The following CCDC63 variants were observed in gnomAD, a reference collection of about 807,000 sequenced individuals.
CCDC63 encodes the protein coiled-coil domain containing 63, also known as coiled-coil domain-containing protein 63.
Under a neutral mutation model 63.6 loss-of-function variants are expected in CCDC63, and 54 were observed. The observed-to-expected ratio is 0.85, with a 90% CI of 0.68 to 1.07. The LOEUF (loss-of-function observed/expected upper bound fraction) is 1.07. Among genes scored for constraint, CCDC63 ranks in the 50% least tolerant of loss-of-function variants. The pLI is 0.00. For missense variants in CCDC63, 637 were observed against 689.6 expected (o/e 0.92, Z 0.86); for synonymous variants, 253 against 266.1 (o/e 0.95, Z 0.48).
intron 8 of CCDC63, among the ~76,000 whole-genome samples, chr12:110,888,923 G>A (rs749915867): frequency 2.7e-5 from 4 of 150,232 alleles, no homozygotes; most frequent in Non-Finnish European, 4.4e-5. Context: ...CCAGGCTGGA[G>A]TACAGTGGCT....
intron 11 of CCDC63, among the ~76,000 whole-genome samples, chr12:110,905,853 T>C (rs533058958): frequency 8.8e-6 from 1 of 113,046 alleles, no homozygotes; most frequent in East Asian, 2.3e-4. Flanking sequence ...TATATATGTG[T>C]GTGTGTATGT....
chr12:110,906,006 TATA>T (rs1332755904), intron 11 of CCDC63, among the ~76,000 whole-genome samples: 1 of 57,982 alleles, frequency 1.7e-5, no homozygotes, highest in Admixed American at 3.3e-4. Flanking sequence ...ATATATATTA[TATA>T]ATATAATATA....
intron 1 of CCDC63, 44 bp from the exon 2 acceptor site, chr12:110,852,815 C>G (rs560916283): frequency 7.6e-7 from 1 of 1,308,128 alleles, no homozygotes; most frequent in Non-Finnish European, 1.1e-6. Context: ...GCACCCCCAG[C>G]AGGGGTGGCT....
intron 9 of CCDC63, among the ~76,000 whole-genome samples, chr12:110,895,176 C>T (rs1467277621): frequency 6.6e-6 from 1 of 152,114 alleles, no homozygotes; most frequent in Non-Finnish European, 1.5e-5. Context: ...TGCAGTGGCA[C>T]GATCTCGGTT....
intron 10 of CCDC63, among the ~76,000 whole-genome samples, chr12:110,900,878 G>A (rs112376171): frequency 0.024 from 3,600 of 152,196 alleles, 131 homozygotes; most frequent in African/African-American, 0.08. Context: ...GATTACAGGC[G>A]TGAGCCACTG....
Position 110,895,566 on chromosome 12 carries a change from C to T in CCDC63, c.1149+2416C>T, listed in dbSNP as rs12318763. Among the ~76,000 whole-genome samples, 292 of 152,302 alleles carry T rather than the reference C, an allele frequency of 1.9e-3. 1 individual carries two copies. The highest frequency in any genetic ancestry group is 6.7e-3 in the African/African-American group (278 of 41,570). ...CCACATCCATCATGGGAGGGTTTTG[C>T]ATAGGAATTAAGCAACCAAGCTCTG... On this transcript the variant is annotated intron_variant, in intron 9 of 11. Coordinates refer to ENST00000308208, the MANE Select transcript of CCDC63 (RefSeq NM_152591.3).
intron 4 of CCDC63, among the ~76,000 whole-genome samples, chr12:110,867,289 T>G (rs2136670230): frequency 2.6e-5 from 2 of 75,626 alleles, no homozygotes; most frequent in Non-Finnish European, 2.5e-5. Flanking sequence ...CACTTCCCAG[T>G]AGGGGCGGCC....
intron 1 of CCDC63, among the ~76,000 whole-genome samples, chr12:110,850,319 G>A (rs941957524): frequency 2.0e-5 from 3 of 152,238 alleles, no homozygotes; most frequent in South Asian, 4.1e-4. Context: ...GCCTGGATCT[G>A]AGAGGAGCAG....
intron 4 of CCDC63, among the ~76,000 whole-genome samples, chr12:110,862,658 G>C (rs780442948): frequency 6.6e-6 from 1 of 152,228 alleles, no homozygotes; most frequent in Admixed American, 6.5e-5. Flanking sequence ...CAACTCTAGT[G>C]GGGGCGGGCC....
intron 4 of CCDC63, among the ~76,000 whole-genome samples, chr12:110,863,846 G>T (rs1156872028): frequency 6.6e-6 from 1 of 152,132 alleles, no homozygotes; most frequent in Non-Finnish European, 1.5e-5. Flanking sequence ...CAACCTCCAG[G>T]GATGGTTTAG....
chr12:110,907,333 G>T lies in CCDC63; in HGVS notation c.1549G>T (p.Glu517Ter). Reference protein sequence around the residue: ...DPFSDRLDDVEQPLDHSSLRQ... With the variant: ...DPFSDRLDDV Reference sequence around the variant, plus strand: ...ACACAAATCTGATCTTGGTGCAGTGGAACAGCCCCTGGACCACAGCAGCCT... The same window carrying T: ...ACACAAATCTGATCTTGGTGCAGTGTAACAGCCCCTGGACCACAGCAGCCT... The change falls in exon 12 of 12, where the codon GAA (glutamate) becomes TAA (stop). Residue 517 changes from glutamate to a stop codon, truncating the protein, a stop_gained and splice_region_variant. Coordinates refer to ENST00000308208, the MANE Select transcript of CCDC63 (RefSeq NM_152591.3). LOFTEE classifies it low-confidence loss of function (END_TRUNC). This position sits in a 1 kb window ranked among gnomAD's most constrained non-coding sequence, Gnocchi z 4.4. The T allele has an allele frequency of 1.9e-6, 3 of 1,613,284 alleles. No homozygotes were observed. Among genetic ancestry groups the T allele is most frequent in the South Asian group, 1.1e-5 (1 of 90,984 alleles).
chr12:110,857,070 G>C (rs1430825129), intron 3 of CCDC63, among the ~76,000 whole-genome samples: 1 of 151,848 alleles, frequency 6.6e-6, no homozygotes, highest in Non-Finnish European at 1.5e-5. Flanking sequence ...CTCCCAAAGT[G>C]CTGATGTTAC....
At chr12:110,868,769 GGGAGA>G (rs2071022280) in intron 4 of CCDC63, among the ~76,000 whole-genome samples, 1 of 117,326 alleles carries the variant, frequency 8.5e-6, no homozygotes, top group Non-Finnish European at 1.8e-5. Flanking sequence ...GGGAGGGGGA[GGGAGA>G]GGGAGAGGGA....
chr12:110,881,362 T>C (rs2071207515), intron 7 of CCDC63, 66 bp downstream of exon 7: 1 of 1,488,558 alleles, frequency 6.7e-7, no homozygotes, highest in Non-Finnish European at 9.1e-7. Context: ...TCTCTTTCTC[T>C]CTTTTTAAGT....
At chr12:110,902,611 A>AG (rs1378498518) in intron 10 of CCDC63, among the ~76,000 whole-genome samples, 2 of 151,170 alleles carry the variant, frequency 1.3e-5, no homozygotes, top group Non-Finnish European at 2.9e-5. Context: ...CCGCAGTCCT[A>AG]GTGTTTAGCA....
chr12:110,883,315 C>T (rs147770574), intron 7 of CCDC63, among the ~76,000 whole-genome samples: 74 of 152,238 alleles, frequency 4.9e-4, no homozygotes, highest in African/African-American at 1.6e-3. Context: ...GGATTACAGG[C>T]GGGAGCCACT....
rs1410172873 is a variant in CCDC63 at position 110,856,509 on chromosome 12, G to A, written c.180-2077G>A. Among the ~76,000 whole-genome samples, 3 of 152,108 alleles carry A rather than the reference G, an allele frequency of 2.0e-5. 1 individual carries two copies. Among genetic ancestry groups the A allele is most frequent in the African/African-American group, 4.8e-5 (2 of 41,402 alleles). On this transcript the variant is annotated intron_variant, in intron 3 of 11. Transcript: ENST00000308208. ...TTAAGCAGGGCAGAAGAGTCCCCAG[G>A]CTGGTTGAGAAGACAGGAGGTCACT...
At chr12:110,884,320 T>C (rs1044340167) in intron 8 of CCDC63, 70 bp downstream of exon 8, 69 of 1,263,942 alleles carry the variant, frequency 5.5e-5, no homozygotes, top group Non-Finnish European at 7.8e-5. Flanking sequence ...GGCAGTCTCC[T>C]AGGAAGGCTC....
chr12:110,904,486 A>G, intron 10 of CCDC63, 102 bp from the exon 11 acceptor site: 1 of 958,624 alleles, frequency 1.0e-6, no homozygotes. Flanking sequence ...CACCTCCTGT[A>G]CTTCCTGCTC....
Sources: gnomAD v4.1 joint callset for allele counts (sites outside exome capture counted in the v4.1 genomes callset) on GRCh38, gnomAD v4.1.1 for gene constraint, Gnocchi (gnomAD v3.1) non-coding constraint, MANE v1.5 for transcripts, NCBI Gene and HGNC (gene_info 2026-07-23, HGNC 2026-07-21) for gene names.